SH3RF3: variants seen among roughly 807,000 people sequenced by gnomAD.
SH3RF3 encodes SH3 domain containing ring finger 3, also known as E3 ubiquitin-protein ligase SH3RF3.
In SH3RF3, 29 loss-of-function variants were observed where a neutral mutation model predicts 66.3. That is an observed-to-expected ratio of 0.44 (90% CI 0.33 to 0.60). The LOEUF (loss-of-function observed/expected upper bound fraction) is 0.60. SH3RF3 is among the 20% of genes least tolerant of loss of function. The pLI is 0.04. For synonymous variants in SH3RF3, 583 were observed against 532.0 expected (o/e 1.10, Z -1.32); for missense variants, 1,194 against 1,190.9 (o/e 1.00, Z -0.04).
intron 4 of SH3RF3, among the ~76,000 whole-genome samples, chr2:109,406,862 C>T (rs1676465013): frequency 6.6e-6 from 1 of 151,500 alleles, no homozygotes; most frequent in Non-Finnish European, 1.5e-5. Context: ...GCCAATCTTA[C>T]AGCCCCGCCC....
rs75560425 is a variant in SH3RF3, at chr2:109,143,395, A to G, written c.573+13282A>G. On this transcript the variant is annotated intron_variant, in intron 1 of 9. Coordinates refer to ENST00000309415, the MANE Select transcript of SH3RF3 (RefSeq NM_001099289.3). The stretch of plus-strand genomic sequence containing the variant: ...TCTCATGTTCATTTCAGCATTATTC[A>G]CAGGGCCAATATCTGAAAGCAACCC... Among the ~76,000 whole-genome samples the G allele has an allele frequency of 7.8e-3, 1,191 of 152,268 alleles. 12 individuals carry two copies. The highest frequency in any genetic ancestry group is 0.034 in the East Asian group (174 of 5,178).
rs1194112589 is a variant in SH3RF3, at chr2:109,504,593, G to C, written c.*2922G>C. The C allele has an allele frequency of 6.6e-6, 1 of 152,404 alleles. No homozygotes were observed. The highest frequency in any genetic ancestry group is 1.9e-4 in the East Asian group (1 of 5,188). 9.4% of individuals were successfully genotyped at this position (152,404 alleles called of 1,614,324 possible). On this transcript the variant is annotated 3_prime_UTR_variant, in exon 10 of 10. Coordinates refer to ENST00000309415, the MANE Select transcript of SH3RF3 (RefSeq NM_001099289.3). ...CTTGTCAGTGATGACAAACCATGAT[G>C]CCTGTGTTTCTGAGTCTTTAAATAA... is the stretch of plus-strand genomic sequence containing the variant.
At chr2:109,289,034 C>T (rs1681102651) in intron 1 of SH3RF3, among the ~76,000 whole-genome samples, 1 of 152,168 alleles carries the variant, frequency 6.6e-6, no homozygotes, top group Non-Finnish European at 1.5e-5. Flanking sequence ...TGCTCACTAA[C>T]ATTCGTTTGT....
chr2:109,496,846 C>T (rs1017957548), intron 9 of SH3RF3, among the ~76,000 whole-genome samples: 19 of 152,162 alleles, frequency 1.2e-4, no homozygotes, highest in African/African-American at 4.3e-4. Context: ...AGAGATTACC[C>T]GGGATTATCC....
chr2:109,463,995 C>T (rs559031093), intron 8 of SH3RF3, among the ~76,000 whole-genome samples: 11 of 152,242 alleles, frequency 7.2e-5, no homozygotes, highest in South Asian at 6.2e-4. Context: ...GATAGACCCT[C>T]GCTCGGGAGG....
rs546421840 is a variant in SH3RF3 at position 109,379,343 on chromosome 2, C to T, written c.945+7662C>T. Among the ~76,000 whole-genome samples the T allele has an allele frequency of 9.8e-5, 15 of 152,322 alleles. No homozygotes were observed. The South Asian group carries it at 2.5e-3, about 25-fold the overall frequency. On this transcript the variant is annotated intron_variant, in intron 3 of 9. Transcript: ENST00000309415. The stretch of plus-strand genomic sequence containing the variant: ...TTTCCTTAGATGAGGAACTGGAAAA[C>T]GCCTTTAAAGTCATGGTTTACCATG...
At chr2:109,274,451 C>T (rs987161936) in intron 1 of SH3RF3, among the ~76,000 whole-genome samples, 11 of 152,218 alleles carry the variant, frequency 7.2e-5, no homozygotes, top group Middle Eastern at 3.4e-3. Flanking sequence ...TTTATTCAGC[C>T]ATCAAAGGAA....
At chr2:109,371,117 G>A (rs1461045630) in intron 2 of SH3RF3, among the ~76,000 whole-genome samples, 5 of 152,202 alleles carry the variant, frequency 3.3e-5, no homozygotes, top group Admixed American at 1.3e-4. Context: ...GGCTGGGTTC[G>A]GTGGCTCACA....
At chr2:109,224,029 T>C (rs1679314899) in intron 1 of SH3RF3, among the ~76,000 whole-genome samples, 2 of 152,184 alleles carry the variant, frequency 1.3e-5, no homozygotes, top group African/African-American at 4.8e-5. Flanking sequence ...ATAAAATCTG[T>C]CCACATGGCT....
At chr2:109,189,583 G>T (rs1369567057) in intron 1 of SH3RF3, among the ~76,000 whole-genome samples, 2 of 151,982 alleles carry the variant, frequency 1.3e-5, no homozygotes, top group African/African-American at 4.8e-5. Flanking sequence ...TGGAAAGGCT[G>T]GTTTTGAACT....
At chr2:109,439,962 G>T (rs547434805) in intron 7 of SH3RF3, among the ~76,000 whole-genome samples, 1 of 152,294 alleles carries the variant, frequency 6.6e-6, no homozygotes, top group East Asian at 1.9e-4. Flanking sequence ...GGGATTGGGA[G>T]TAGGGCATAT....
intron 4 of SH3RF3, among the ~76,000 whole-genome samples, chr2:109,415,586 C>T (rs1676701455): frequency 6.6e-6 from 1 of 152,174 alleles, no homozygotes; most frequent in South Asian, 2.1e-4. Flanking sequence ...GGGTTCCCTG[C>T]AAAGCTGCAG....
intron 8 of SH3RF3, among the ~76,000 whole-genome samples, chr2:109,468,855 G>GAAA (rs397940375): frequency 0.014 from 927 of 64,816 alleles, 27 homozygotes; most frequent in African/African-American, 0.047. Context: ...CTCTGTCTCA[G>GAAA]AAAAAAAAAA....
At chr2:109,391,762 C>G (rs1053059323) in intron 3 of SH3RF3, among the ~76,000 whole-genome samples, 1 of 152,174 alleles carries the variant, frequency 6.6e-6, no homozygotes, top group Non-Finnish European at 1.5e-5. Flanking sequence ...CCCTTGGTAA[C>G]TATAGCTGGC....
At chr2:109,185,650 C>CT (rs1228757538) in intron 1 of SH3RF3, among the ~76,000 whole-genome samples, 1 of 152,088 alleles carries the variant, frequency 6.6e-6, no homozygotes, top group Non-Finnish European at 1.5e-5. Flanking sequence ...AGCCCTCAGA[C>CT]ACTCCTGGTT....
chr2:109,471,616 CTG>C (rs1024976794), intron 8 of SH3RF3, among the ~76,000 whole-genome samples: 1 of 152,202 alleles, frequency 6.6e-6, no homozygotes, highest in African/African-American at 2.4e-5. Context: ...GGCCCAGACA[CTG>C]TTGTATTCCA....
intron 1 of SH3RF3, among the ~76,000 whole-genome samples, chr2:109,151,193 G>T (rs1200816325): frequency 6.6e-6 from 1 of 152,188 alleles, no homozygotes; most frequent in Non-Finnish European, 1.5e-5. Flanking sequence ...TTGAAAATAT[G>T]TGTCCAGTGG....
intron 1 of SH3RF3, among the ~76,000 whole-genome samples, chr2:109,329,124 T>A (rs1682226382): frequency 6.6e-6 from 1 of 152,178 alleles, no homozygotes; most frequent in Non-Finnish European, 1.5e-5. Flanking sequence ...CTCCAAATGT[T>A]CCCCTCTCTC....
intron 1 of SH3RF3, among the ~76,000 whole-genome samples, chr2:109,226,767 A>G (rs1317159517): frequency 1.3e-5 from 2 of 152,202 alleles, no homozygotes; most frequent in Admixed American, 6.5e-5. Flanking sequence ...AGATATAGAC[A>G]TGCTTTGTGC....
Sources: gnomAD v4.1 joint callset for allele counts (sites outside exome capture counted in the v4.1 genomes callset) on GRCh38, gnomAD v4.1.1 for gene constraint, MANE v1.5 for transcripts, NCBI Gene and HGNC (gene_info 2026-07-23, HGNC 2026-07-21) for gene names.